PPARA: variants seen among roughly 807,000 people sequenced by gnomAD.
The protein encoded by PPARA is peroxisome proliferator-activated receptor alpha.
In PPARA, 22 loss-of-function variants were observed where a neutral mutation model predicts 42.2. The ratio of observed to expected loss-of-function variants is 0.52; its 90% CI spans 0.37 to 0.74. The LOEUF (loss-of-function observed/expected upper bound fraction) is 0.74. PPARA is among the 30% of genes least tolerant of loss of function. The pLI, the probability that PPARA is intolerant of heterozygous loss-of-function variation, is 0.00. For synonymous variants in PPARA, 242 were observed against 239.3 expected, an observed-to-expected ratio of 1.01 and a Z score of -0.10; for missense variants, 465 against 608.2, an observed-to-expected ratio of 0.76 and a Z score of 2.48.
Position 46,216,274 on chromosome 22 carries a change from T to C in PPARA, c.369+941T>C, listed in dbSNP as rs867733176. On this transcript the variant is annotated intron_variant, in intron 5 of 8. Transcript: ENST00000407236. The surrounding 1 kb of genome is among the most constrained non-coding windows in gnomAD (Gnocchi z 4.5). ...GGTGGGTGCCTGTAATCCCAGCTAC[T>C]TGGGAGGCTGAAGCAGGAGAATTGC... Among the ~76,000 whole-genome samples the C allele has an allele frequency of 6.6e-6, 1 of 151,592 alleles. No homozygotes were observed. Among genetic ancestry groups the C allele is most frequent in the Non-Finnish European group, 1.5e-5 (1 of 67,902 alleles).
rs1936228422 is a variant in PPARA at position 46,236,826 on chromosome 22, A to C, written c.*1446A>C. ...TTCACAAGAGTTGGTTATTTTTTAC[A>C]ATGGTTTAGGTTGTTAAGTCTCCTT... On this transcript the variant is annotated 3_prime_UTR_variant, in exon 9 of 9. Coordinates refer to ENST00000407236, the MANE Select transcript of PPARA (RefSeq NM_005036.6). This position sits in a 1 kb window ranked among gnomAD's most constrained non-coding sequence, Gnocchi z 5.2. 1 of 152,174 alleles carries C rather than the reference A, an allele frequency of 6.6e-6. No individual in the cohort carries two copies. The highest frequency in any genetic ancestry group is 2.1e-4 in the South Asian group (1 of 4,832). 9.4% of individuals were successfully genotyped at this position (152,174 alleles called of 1,614,324 possible).
In PPARA at chr22:46,171,912, C is replaced by T. The variant is rs968175252; in HGVS notation, c.-126-4841C>T. Among the ~76,000 whole-genome samples, 6 of 152,040 alleles carry T rather than the reference C, an allele frequency of 3.9e-5. No individual in the cohort carries two copies. Among genetic ancestry groups the T allele is most frequent in the Non-Finnish European group, 8.8e-5 (6 of 67,996 alleles). ...GCCCCCTTGGGCAGCTTGCAGGGCC[C>T]GGGCAGAAGCTATAGGTGGTTCTGA... On this transcript the variant is annotated intron_variant, in intron 2 of 8. Coordinates refer to ENST00000407236, the MANE Select transcript of PPARA (RefSeq NM_005036.6). The surrounding 1 kb of genome is among the most constrained non-coding windows in gnomAD (Gnocchi z 5.0).
At chr22:46,185,039 T>C (rs1930474603) in intron 3 of PPARA, among the ~76,000 whole-genome samples, 1 of 152,310 alleles carries the variant, frequency 6.6e-6, no homozygotes, top group South Asian at 2.1e-4. Flanking sequence ...TGGAAATTCA[T>C]GCCCATCATT....
rs1292318009 is a variant in PPARA at position 46,239,886 on chromosome 22, C to T, written c.*4506C>T. 3.2e-5 allele frequency: 10 copies of T among 312,450 alleles called. No individual in the cohort carries two copies. In the East Asian group the frequency reaches 4.0e-4, roughly 12 times the overall value. 19.4% of individuals were successfully genotyped at this position (312,450 alleles called of 1,614,324 possible). ...CCATTTTCAAACCACTGTATCTCTG[C>T]GCACATCTGCTACTTACCAGCCGCA... On this transcript the variant is annotated 3_prime_UTR_variant, in exon 9 of 9. Coordinates refer to ENST00000407236, the MANE Select transcript of PPARA (RefSeq NM_005036.6).
rs371860590 is a variant in PPARA, at chr22:46,192,154, T to A, written c.-42-6188T>A. On this transcript the variant is annotated intron_variant, in intron 3 of 8. Transcript: ENST00000407236. The surrounding 1 kb of genome is among the most constrained non-coding windows in gnomAD (Gnocchi z 4.3). ...TATGGATGCAAAGATTAGGTGAATA[T>A]GTTCCCTAGCCTCACAAAGCATACA... Among the ~76,000 whole-genome samples, 1 of 152,308 alleles carries A rather than the reference T, an allele frequency of 6.6e-6. No individual in the cohort carries two copies. Among genetic ancestry groups the A allele is most frequent in the East Asian group, 1.9e-4 (1 of 5,184 alleles).
chr22:46,186,648 G>A (rs1930849907), intron 3 of PPARA, among the ~76,000 whole-genome samples: 1 of 152,144 alleles, frequency 6.6e-6, no homozygotes, highest in Non-Finnish European at 1.5e-5. Flanking sequence ...AGGAGGCGGA[G>A]GTTGCAGTGA....
rs143865755 is a variant in PPARA at position 46,191,054 on chromosome 22, G to A, written c.-42-7288G>A. 4.5e-3 allele frequency among the ~76,000 whole-genome samples: 692 copies of A among 152,206 alleles called. 4 individuals are homozygous for A. Among genetic ancestry groups the A allele is most frequent in the African/African-American group, 0.015 (634 of 41,532 alleles). On this transcript the variant is annotated intron_variant, in intron 3 of 8. Coordinates refer to ENST00000407236, the MANE Select transcript of PPARA (RefSeq NM_005036.6). This position sits in a 1 kb window ranked among gnomAD's most constrained non-coding sequence, Gnocchi z 4.6. ...TAAATATACAAAAAATTAGCCGGGCGTGGTGGTGTGTGCCTGTAGTCCCAG... is the reference window on the plus strand; with the variant it reads ...TAAATATACAAAAAATTAGCCGGGCATGGTGGTGTGTGCCTGTAGTCCCAG...
At chr22:46,215,006 T>G (rs1601773056) in intron 4 of PPARA, among the ~76,000 whole-genome samples, 167 bp from the exon 5 acceptor site, 1 of 151,700 alleles carries the variant, frequency 6.6e-6, no homozygotes, top group African/African-American at 2.4e-5. Context: ...GCTGTAGGAG[T>G]GCAAGAGGGT....
rs563692578 is a variant in PPARA, at chr22:46,222,454, C to G, written c.711+2440C>G. Among the ~76,000 whole-genome samples, 69 of 152,358 alleles carry G rather than the reference C, an allele frequency of 4.5e-4. 2 individuals are homozygous for G. The South Asian group carries it at 0.014, about 31-fold the overall frequency. ...AAGCATTTCACAAGCTACTTACTTT[C>G]ATGAACAAACCAAACCTCTTCTTTA... On this transcript the variant is annotated intron_variant, in intron 7 of 8. Transcript: ENST00000407236. This position sits in a 1 kb window ranked among gnomAD's most constrained non-coding sequence, Gnocchi z 5.9.
In PPARA at chr22:46,232,812, CAA is replaced by C. The variant is rs557070880; in HGVS notation, c.1159+583_1159+584del. ...GCAACATGGCAAGACCCCGTCTCTA[CAA>C]AAAAAAAAATAGAAAAAATTAGTCA... On this transcript the variant is annotated intron_variant, in intron 8 of 8. Coordinates refer to ENST00000407236, the MANE Select transcript of PPARA (RefSeq NM_005036.6). This position sits in a 1 kb window ranked among gnomAD's most constrained non-coding sequence, Gnocchi z 5.3. Among the ~76,000 whole-genome samples the C allele has an allele frequency of 7.3e-6, 1 of 136,964 alleles. No individual in the cohort carries two copies. Among genetic ancestry groups the C allele is most frequent in the Admixed American group, 7.4e-5 (1 of 13,542 alleles). 89.9% of individuals were successfully genotyped at this position (136,964 alleles called of 152,430 possible).
At position 46,160,539 on chromosome 22, in the gene PPARA, G is replaced by A. The variant is rs1282530614; in HGVS notation, c.-127+8569G>A. Reference sequence around the variant, plus strand: ...TCTCAAACTCCCGGCCTCATGATCCGCCCTCTGCAGCCTCCCAAAGTGCTG... The same window carrying A: ...TCTCAAACTCCCGGCCTCATGATCCACCCTCTGCAGCCTCCCAAAGTGCTG... On this transcript the variant is annotated intron_variant, in intron 2 of 8. Coordinates refer to ENST00000407236, the MANE Select transcript of PPARA (RefSeq NM_005036.6). The surrounding 1 kb of genome is among the most constrained non-coding windows in gnomAD (Gnocchi z 4.5). 2.0e-5 allele frequency among the ~76,000 whole-genome samples: 3 copies of A among 152,030 alleles called. No individual in the cohort carries two copies. The highest frequency in any genetic ancestry group is 1.9e-4 in the East Asian group (1 of 5,184).
chr22:46,174,037 G>A (rs1928520804), intron 2 of PPARA, among the ~76,000 whole-genome samples: 1 of 79,088 alleles, frequency 1.3e-5, no homozygotes, highest in East Asian at 3.1e-4. Flanking sequence ...AATTAGCTGG[G>A]CGTGGTGGTG....
rs1936193335 is a variant in PPARA, at chr22:46,236,209, T to C, written c.*829T>C. On this transcript the variant is annotated 3_prime_UTR_variant, in exon 9 of 9. Coordinates refer to ENST00000407236, the MANE Select transcript of PPARA (RefSeq NM_005036.6). This position sits in a 1 kb window ranked among gnomAD's most constrained non-coding sequence, Gnocchi z 5.2. The stretch of plus-strand genomic sequence containing the variant: ...TTGCAGTGAGCTAAGACTGCACCAC[T>C]GCACTCCAGCCTGGTGACAGAACGA... 6.6e-6 allele frequency: 1 copy of C among 152,500 alleles called. No homozygotes were observed. Among genetic ancestry groups the C allele is most frequent in the African/African-American group, 2.4e-5 (1 of 41,400 alleles). 9.4% of individuals were successfully genotyped at this position (152,500 alleles called of 1,614,324 possible). A position where few individuals can be genotyped will look rare whatever the true frequency, so the allele number is the denominator to read the frequency against.
In PPARA at chr22:46,162,880, T is replaced by TA. The variant is rs1240997819; in HGVS notation, c.-127+10911dup. Among the ~76,000 whole-genome samples the TA allele has an allele frequency of 2.0e-5, 3 of 152,242 alleles. No homozygotes were observed. Among genetic ancestry groups the TA allele is most frequent in the Admixed American group, 6.5e-5 (1 of 15,288 alleles). The stretch of plus-strand genomic sequence containing the variant: ...TGAATTCTGCCTTCACTTGAGCAGC[T>TA]ATTAGGGGCATATGTCAGTCATTCA... On this transcript the variant is annotated intron_variant, in intron 2 of 8. Coordinates refer to ENST00000407236, the MANE Select transcript of PPARA (RefSeq NM_005036.6). This position sits in a 1 kb window ranked among gnomAD's most constrained non-coding sequence, Gnocchi z 6.0.
rs1190431625 is a variant in PPARA, at chr22:46,212,949, C to T, written c.209-2224C>T. Among the ~76,000 whole-genome samples, 1 of 152,098 alleles carries T rather than the reference C, an allele frequency of 6.6e-6. No homozygotes were observed. Among genetic ancestry groups the T allele is most frequent in the African/African-American group, 2.4e-5 (1 of 41,404 alleles). ...GGCAGAGGTTGCAGTGAGCTGAGAT[C>T]GTGCCACTCCACTCCAGCCTGGGTG... On this transcript the variant is annotated intron_variant, in intron 4 of 8. Transcript: ENST00000407236. The surrounding 1 kb of genome is among the most constrained non-coding windows in gnomAD (Gnocchi z 4.2).
rs1932136683 is a variant in PPARA at position 46,195,613 on chromosome 22, T to C, written c.-42-2729T>C. Among the ~76,000 whole-genome samples, 1 of 152,220 alleles carries C rather than the reference T, an allele frequency of 6.6e-6. No individual in the cohort carries two copies. The highest frequency in any genetic ancestry group is 1.9e-4 in the East Asian group (1 of 5,200). On this transcript the variant is annotated intron_variant, in intron 3 of 8. Coordinates refer to ENST00000407236, the MANE Select transcript of PPARA (RefSeq NM_005036.6). This position sits in a 1 kb window ranked among gnomAD's most constrained non-coding sequence, Gnocchi z 4.6. ...TGGTAGAAGAAGCCAAAACATCCCT[T>C]CCTCACCGCACTAAAAGCTGTTGTT...
In PPARA at chr22:46,212,636, T is replaced by C. The variant is rs1027690033; in HGVS notation, c.209-2537T>C. Among the ~76,000 whole-genome samples, 30 of 152,188 alleles carry C rather than the reference T, an allele frequency of 2.0e-4. No homozygotes were observed. The highest frequency in any genetic ancestry group is 7.2e-4 in the African/African-American group (30 of 41,452). ...CACTGAATGAGTTCCCACTGTCTGT[T>C]TGTACCACAGTTTGTATATCTATTC... On this transcript the variant is annotated intron_variant, in intron 4 of 8. Transcript: ENST00000407236. This position sits in a 1 kb window ranked among gnomAD's most constrained non-coding sequence, Gnocchi z 4.2.
chr22:46,200,564 A>G lies in PPARA; in HGVS notation c.208+1973A>G, dbSNP rs564415266. Among the ~76,000 whole-genome samples the G allele has an allele frequency of 6.6e-6, 1 of 152,394 alleles. No homozygotes were observed. The highest frequency in any genetic ancestry group is 2.1e-4 in the South Asian group (1 of 4,832). The stretch of plus-strand genomic sequence containing the variant: ...GATACCACAGTTGAACTTATGGTCT[A>G]TTGTTGACCAAAATGTCACTGTGCA... On this transcript the variant is annotated intron_variant, in intron 4 of 8. Transcript: ENST00000407236. This position sits in a 1 kb window ranked among gnomAD's most constrained non-coding sequence, Gnocchi z 4.8.
rs1341538788 is a variant in PPARA, at chr22:46,222,926, G to A, written c.711+2912G>A. Among the ~76,000 whole-genome samples the A allele has an allele frequency of 6.6e-6, 1 of 152,192 alleles. No homozygotes were observed. Among genetic ancestry groups the A allele is most frequent in the African/African-American group, 2.4e-5 (1 of 41,442 alleles). ...TGTGGTCCCAGGTACTTGGGAAGCTGAGATGGGAGGATGGCTTGAGCCCAG... is the reference window on the plus strand; with the variant it reads ...TGTGGTCCCAGGTACTTGGGAAGCTAAGATGGGAGGATGGCTTGAGCCCAG... On this transcript the variant is annotated intron_variant, in intron 7 of 8. Coordinates refer to ENST00000407236, the MANE Select transcript of PPARA (RefSeq NM_005036.6). This position sits in a 1 kb window ranked among gnomAD's most constrained non-coding sequence, Gnocchi z 5.9.
Sources: gnomAD v4.1 joint callset for allele counts (sites outside exome capture counted in the v4.1 genomes callset) on GRCh38, gnomAD v4.1.1 for gene constraint, Gnocchi (gnomAD v3.1) non-coding constraint, MANE v1.5 for transcripts, NCBI Gene and HGNC (gene_info 2026-07-23, HGNC 2026-07-21) for gene names.